GLIS1: variants seen among roughly 807,000 people sequenced by gnomAD.
The protein encoded by GLIS1 is zinc finger protein GLIS1.
Under a neutral mutation model 63.8 loss-of-function variants are expected in GLIS1, and 24 were observed. The observed-to-expected ratio is 0.38, with a 90% CI of 0.27 to 0.53. The LOEUF is 0.53. GLIS1 is among the 20% of genes least tolerant of loss of function. The pLI, the probability that GLIS1 is intolerant of heterozygous loss-of-function variation, is 0.85. For missense variants in GLIS1, 1,036 were observed against 1,074.1 expected (o/e 0.96, Z 0.50); for synonymous variants, 450 against 482.5 (o/e 0.93, Z 0.88).
intron 4 of GLIS1, among the ~76,000 whole-genome samples, chr1:53,555,958 ATGTGTGTGTGCAGGTATACTGCAGGTG>A (rs1557448202): frequency 0.043 from 4,189 of 97,352 alleles, 182 homozygotes; most frequent in Non-Finnish European, 0.063. Context: ...TACTGCAGGT[ATGTGTGTGTGCAGGTATACTGCAGGTG>A]TGTGTGTGTG....
intron 4 of GLIS1, among the ~76,000 whole-genome samples, chr1:53,591,735 A>C (rs1019296465): frequency 1.3e-5 from 2 of 152,210 alleles, no homozygotes; most frequent in African/African-American, 4.8e-5. Flanking sequence ...CTGTACTTGG[A>C]AGCTGCTTGC....
chr1:53,613,170 C>T (rs113219927), intron 2 of GLIS1, among the ~76,000 whole-genome samples: 32 of 152,182 alleles, frequency 2.1e-4, no homozygotes, highest in African/African-American at 7.5e-4. Flanking sequence ...AATATTAGTC[C>T]GATACAAGCT....
In GLIS1 at chr1:53,526,853, G is replaced by GCTCA. The variant is rs879836023; in HGVS notation, c.1483-1967_1483-1966insTGAG. 0.15 allele frequency among the ~76,000 whole-genome samples: 23,567 copies of GCTCA among 152,168 alleles called. 3,792 individuals carry two copies. The highest frequency in any genetic ancestry group is 0.5 in the East Asian group (2,583 of 5,150). ...CAGGCCCCATTCCCCGTGAGCCTGT[G>GCTCA]GGAAACCCTGTGGCCGTCCCCAGCC... On this transcript the variant is annotated intron_variant, in intron 5 of 10. Transcript: ENST00000628545. The surrounding 1 kb of genome is among the most constrained non-coding windows in gnomAD (Gnocchi z 4.4).
chr1:53,605,496 C>T (rs1038494471), intron 2 of GLIS1, among the ~76,000 whole-genome samples: 1 of 152,220 alleles, frequency 6.6e-6, no homozygotes, highest in African/African-American at 2.4e-5. Flanking sequence ...CACTTAGGTG[C>T]GCCTTCTGCA....
chr1:53,738,480 A>C (rs1373297845), intron 1 of GLIS1, among the ~76,000 whole-genome samples: 1 of 152,182 alleles, frequency 6.6e-6, no homozygotes, highest in Non-Finnish European at 1.5e-5. Context: ...AGCCGGCGGC[A>C]ACGAGGATTC....
chr1:53,679,577 C>T (rs763151465), intron 2 of GLIS1, among the ~76,000 whole-genome samples: 12 of 152,176 alleles, frequency 7.9e-5, no homozygotes, highest in Non-Finnish European at 1.2e-4. Flanking sequence ...CCACTTGCCC[C>T]ATTTACACAG....
intron 6 of GLIS1, among the ~76,000 whole-genome samples, chr1:53,521,255 A>G (rs1644405643): frequency 8.8e-6 from 1 of 113,054 alleles, no homozygotes; most frequent in African/African-American, 2.7e-5. Flanking sequence ...TGGGTAGCTG[A>G]GTTCTGCAGG....
At chr1:53,645,481 CA>C (rs1475856637) in intron 2 of GLIS1, among the ~76,000 whole-genome samples, 1 of 152,110 alleles carries the variant, frequency 6.6e-6, no homozygotes, top group Non-Finnish European at 1.5e-5. Flanking sequence ...AGGGGCCTAG[CA>C]AATGCTTACT....
intron 4 of GLIS1, among the ~76,000 whole-genome samples, chr1:53,552,035 C>T (rs997187846): frequency 1.3e-5 from 2 of 152,098 alleles, no homozygotes; most frequent in African/African-American, 4.8e-5. Flanking sequence ...CCATACACAT[C>T]CCAACATACT....
At chr1:53,630,374 G>A (rs1645638619) in intron 2 of GLIS1, among the ~76,000 whole-genome samples, 1 of 152,126 alleles carries the variant, frequency 6.6e-6, no homozygotes, top group South Asian at 2.1e-4. Context: ...CCAAGGGGAG[G>A]AATTCCTGGG....
At chr1:53,575,268 C>T (rs749817045) in intron 4 of GLIS1, among the ~76,000 whole-genome samples, 3 of 152,292 alleles carry the variant, frequency 2.0e-5, no homozygotes, top group South Asian at 2.1e-4. Flanking sequence ...ACACGCCTCA[C>T]GCCCCCCTGC....
intron 4 of GLIS1, among the ~76,000 whole-genome samples, chr1:53,540,514 G>C (rs923015100): frequency 2.0e-5 from 3 of 152,098 alleles, no homozygotes; most frequent in African/African-American, 7.2e-5. Flanking sequence ...TCCTGCGGTG[G>C]ACATCAGGGT....
chr1:53,567,638 G>A (rs750753730), intron 4 of GLIS1, among the ~76,000 whole-genome samples: 4 of 152,180 alleles, frequency 2.6e-5, no homozygotes, highest in East Asian at 1.9e-4. Context: ...AAATGGTTTC[G>A]TGGGCTGGGC....
Position 53,675,630 on chromosome 1 carries a change from G to A in GLIS1, c.259+62176C>T, listed in dbSNP as rs899347629. Among the ~76,000 whole-genome samples, 17 of 152,214 alleles carry A rather than the reference G, an allele frequency of 1.1e-4. No individual in the cohort carries two copies. In the East Asian group the frequency reaches 2.7e-3, roughly 24 times the overall value. ...GTGTCACTGACCACCTCTCACAGCT[G>A]GCCTCAAGCACAGATAGACACTGCC... On this transcript the variant is annotated intron_variant, in intron 2 of 10. Transcript: ENST00000628545.
intron 2 of GLIS1, among the ~76,000 whole-genome samples, chr1:53,649,492 T>G (rs866898469): frequency 4.3e-4 from 65 of 152,318 alleles, no homozygotes; most frequent in African/African-American, 1.6e-3. Flanking sequence ...TTCTCACATA[T>G]TTTTTATCGT....
At chr1:53,620,374 G>A (rs1557485164) in intron 2 of GLIS1, among the ~76,000 whole-genome samples, 1 of 152,320 alleles carries the variant, frequency 6.6e-6, no homozygotes, top group East Asian at 1.9e-4. Flanking sequence ...AACAGAAAAT[G>A]GGCGGGGGGG....
chr1:53,593,333 C>G lies in GLIS1; in HGVS notation c.1320+775G>C, dbSNP rs115012814. 7.7e-3 allele frequency among the ~76,000 whole-genome samples: 1,177 copies of G among 152,360 alleles called. 22 individuals are homozygous for G. The highest frequency in any genetic ancestry group is 0.027 in the African/African-American group (1,142 of 41,590). On this transcript the variant is annotated intron_variant, in intron 4 of 10. Transcript: ENST00000628545. ...GTGTATCAGGGAGTGCTCCTAGCCT[C>G]TGATACAGTATTCCCCACAGACGGG...
intron 4 of GLIS1, among the ~76,000 whole-genome samples, chr1:53,562,402 C>G (rs758219585): frequency 3.3e-5 from 5 of 152,108 alleles, no homozygotes; most frequent in Non-Finnish European, 5.9e-5. Context: ...TGCAGCCCAA[C>G]CAGGGAAAAC....
chr1:53,660,078 C>G (rs1646009833), intron 2 of GLIS1, among the ~76,000 whole-genome samples: 1 of 152,214 alleles, frequency 6.6e-6, no homozygotes, highest in African/African-American at 2.4e-5. Context: ...TTCTTTGAGT[C>G]TACTCTGGGC....
Sources: allele counts gnomAD v4.1 joint callset (sites outside exome capture counted in the v4.1 genomes callset), GRCh38; gene constraint gnomAD v4.1.1; non-coding constraint Gnocchi (gnomAD v3.1); transcripts MANE v1.5; gene names NCBI Gene and HGNC (gene_info 2026-07-23, HGNC 2026-07-21).